The following CDH19 variants were observed in gnomAD, a reference collection of about 807,000 sequenced individuals.
CDH19 encodes cadherin 19, also known as cadherin-19.
CDH19 carries 67 observed loss-of-function variants against 64.2 expected under a neutral mutation model. That is an observed-to-expected ratio of 1.04 (90% CI 0.86 to 1.28). CDH19 has a LOEUF of 1.28. CDH19 is among the 50% of genes most tolerant of loss of function. The pLI is 0.00. For missense variants in CDH19, 1,030 were observed against 929.0 expected, an observed-to-expected ratio of 1.11 and a Z score of -1.41; for synonymous variants, 346 against 319.3, an observed-to-expected ratio of 1.08 and a Z score of -0.89.
At chr18:66,584,157 G>A (rs908954315) in intron 1 of CDH19, among the ~76,000 whole-genome samples, 8 of 151,886 alleles carry the variant, frequency 5.3e-5, no homozygotes, top group African/African-American at 1.9e-4. Flanking sequence ...AAATTTACAA[G>A]ACAAAACAAC....
intron 4 of CDH19, among the ~76,000 whole-genome samples, chr18:66,552,470 T>TGTATTCCCTGATGACTAATGAGGCTGAG (rs1314654976): frequency 5.8e-5 from 8 of 137,346 alleles, no homozygotes; most frequent in African/African-American, 1.3e-4. Flanking sequence ...CTAAAGTGTT[T>TGTATTCCCTGATGACTAATGAGGCTGAG]CACACATGTA....
intron 1 of CDH19, among the ~76,000 whole-genome samples, chr18:66,589,519 G>T (rs887720573): frequency 6.6e-6 from 1 of 151,760 alleles, no homozygotes; most frequent in Non-Finnish European, 1.5e-5. Flanking sequence ...ATAATACCTA[G>T]ACAAACATAT....
At position 66,501,325 on chromosome 18, in the gene CDH19, C is replaced by A. The variant is rs867222298; in HGVS notation, c.*3487G>T. 23 of 152,026 alleles carry A rather than the reference C, an allele frequency of 1.5e-4. No individual in the cohort carries two copies. The highest frequency in any genetic ancestry group is 5.3e-4 in the African/African-American group (22 of 41,404). The allele number at this position is 152,026 out of a possible 1,614,324, so 9.4% of individuals were successfully genotyped here. A position where few individuals can be genotyped will look rare whatever the true frequency, so the allele number is the denominator to read the frequency against. On this transcript the variant is annotated 3_prime_UTR_variant, in exon 12 of 12. Transcript: ENST00000262150. ...ATAAGCGATAAAGACAACAATAATA[C>A]CAGGGAGCTGAGTAATCTAATACAA...
At chr18:66,521,996 G>T (rs1273081485) in intron 9 of CDH19, among the ~76,000 whole-genome samples, 1 of 151,786 alleles carries the variant, frequency 6.6e-6, no homozygotes, top group Non-Finnish European at 1.5e-5. Context: ...GCCCAGGCTG[G>T]AGTGCAGTGG....
At chr18:66,551,034 C>G in intron 5 of CDH19, 60 bp downstream of exon 5, 1 of 900,924 alleles carries the variant, frequency 1.1e-6, no homozygotes, top group Non-Finnish European at 1.7e-6. Context: ...ATATAATCTA[C>G]TTATATTTAA....
intron 3 of CDH19, among the ~76,000 whole-genome samples, chr18:66,554,892 T>G (rs978526319): frequency 2.0e-5 from 3 of 151,836 alleles, no homozygotes; most frequent in African/African-American, 7.2e-5. Flanking sequence ...GGAAATGCTT[T>G]TCACCAAAAA....
intron 4 of CDH19, among the ~76,000 whole-genome samples, chr18:66,553,547 ATACTT>A (rs1987413514): frequency 7.5e-6 from 1 of 134,124 alleles, no homozygotes; most frequent in African/African-American, 3.4e-5. Context: ...ATCCAACACA[ATACTT>A]TAATTCTTTA....
Position 66,543,980 on chromosome 18 carries a change from G to C in CDH19, c.1205C>G (p.Ser402Cys), listed in dbSNP as rs149735488. ...GACCTTACAGACATACCTGATAGGA[G>C]ATTTCCTATTGTCTGGGTCTGTGGC... ...VSATDPDNRKSPIRYSITRSK... is the reference protein window; with the variant it reads ...VSATDPDNRKCPIRYSITRSK... The change falls in exon 7 of 12, where the codon TCT (serine) becomes TGT (cysteine). Residue 402 changes from serine to cysteine, a missense_variant. Coordinates refer to ENST00000262150, the MANE Select transcript of CDH19 (RefSeq NM_021153.4). 24 of 1,609,970 alleles carry C rather than the reference G, an allele frequency of 1.5e-5. No homozygotes were observed. The highest frequency in any genetic ancestry group is 2.0e-5 in the Non-Finnish European group (23 of 1,177,138).
chr18:66,592,382 T>A (rs906082023), intron 1 of CDH19, among the ~76,000 whole-genome samples: 2 of 151,838 alleles, frequency 1.3e-5, no homozygotes, highest in Non-Finnish European at 3.0e-5. Flanking sequence ...TGTGTATGTG[T>A]TAGGAACATT....
intron 8 of CDH19, chr18:66,532,678 A>T (rs1387707573): frequency 2.3e-6 from 1 of 443,968 alleles, no homozygotes; most frequent in Non-Finnish European, 4.5e-6. Context: ...ATCTCTTTGA[A>T]ATGTAATCTT....
Position 66,568,807 on chromosome 18 carries a change from G to T in CDH19, c.196-97C>A, listed in dbSNP as rs571352753. On this transcript the variant is annotated intron_variant, in intron 2 of 11. Transcript: ENST00000262150. Reference sequence around the variant, plus strand: ...TTTATGTATGTTAATTATTCCCCAAGTTAATGATTTTATATTATTTCCACA... The same window carrying T: ...TTTATGTATGTTAATTATTCCCCAATTTAATGATTTTATATTATTTCCACA... 2.8e-3 allele frequency: 2,640 copies of T among 953,600 alleles called. 8 individuals are homozygous for T. The highest frequency in any genetic ancestry group is 3.3e-3 in the Non-Finnish European group (2,160 of 659,184). The allele number at this position is 953,600 out of a possible 1,614,324, so 59.1% of individuals were successfully genotyped here.
chr18:66,584,792 A>T (rs1988528095), intron 1 of CDH19, among the ~76,000 whole-genome samples: 1 of 152,120 alleles, frequency 6.6e-6, no homozygotes, highest in African/African-American at 2.4e-5. Context: ...TCAAACCTGT[A>T]CAATATTTTC....
At chr18:66,561,575 C>G (rs895695093) in intron 3 of CDH19, among the ~76,000 whole-genome samples, 4 of 152,012 alleles carry the variant, frequency 2.6e-5, no homozygotes, top group Non-Finnish European at 5.9e-5. Flanking sequence ...GGAATGTAAA[C>G]AGAGAGTGAA....
chr18:66,547,141 G>A (rs1987146207), intron 5 of CDH19, among the ~76,000 whole-genome samples: 1 of 152,122 alleles, frequency 6.6e-6, no homozygotes, highest in Non-Finnish European at 1.5e-5. Context: ...TAATAGAGAC[G>A]AAATAAGATG....
At chr18:66,574,153 C>T (rs75622476) in intron 1 of CDH19, among the ~76,000 whole-genome samples, 10 of 151,658 alleles carry the variant, frequency 6.6e-5, no homozygotes, top group Admixed American at 5.9e-4. Context: ...GCTGAAGAGT[C>T]AAGGTTATTT....
At chr18:66,545,272 C>T (rs1414036734) in intron 5 of CDH19, among the ~76,000 whole-genome samples, 1 of 152,022 alleles carries the variant, frequency 6.6e-6, no homozygotes, top group African/African-American at 2.4e-5. Context: ...GCCACCGTGC[C>T]GGGTCGCAAT....
intron 3 of CDH19, among the ~76,000 whole-genome samples, chr18:66,558,851 A>G (rs921411609): frequency 3.3e-5 from 5 of 152,056 alleles, no homozygotes; most frequent in Non-Finnish European, 7.4e-5. Context: ...ATAAGAACAT[A>G]TGTAAGTATT....
intron 7 of CDH19, among the ~76,000 whole-genome samples, chr18:66,539,635 A>T (rs116717643): frequency 6.6e-6 from 1 of 152,106 alleles, no homozygotes; most frequent in Non-Finnish European, 1.5e-5. Flanking sequence ...TGATAAGGAT[A>T]TACTTTCCTT....
intron 9 of CDH19, among the ~76,000 whole-genome samples, chr18:66,527,947 C>T (rs2144408103): frequency 6.6e-6 from 1 of 151,492 alleles, no homozygotes; most frequent in Non-Finnish European, 1.5e-5. Flanking sequence ...AAATAATTTA[C>T]TATACTGGTA....
Sources: allele counts gnomAD v4.1 joint callset (sites outside exome capture counted in the v4.1 genomes callset), GRCh38; gene constraint gnomAD v4.1.1; transcripts MANE v1.5; gene names NCBI Gene and HGNC (gene_info 2026-07-23, HGNC 2026-07-21).